Variants in SAMD8 observed in about 807,000 individuals in gnomAD.
SAMD8 encodes the protein sterile alpha motif domain containing 8, also known as sphingomyelin synthase-related protein 1.
A neutral mutation model predicts 42.0 loss-of-function variants in SAMD8; 20 were observed. The ratio of observed to expected loss-of-function variants is 0.48; its 90% confidence interval spans 0.34 to 0.69. The LOEUF (loss-of-function observed/expected upper bound fraction) is 0.69, where lower values mean the gene tolerates loss of function less well. Among genes scored for constraint, SAMD8 ranks in the 30% least tolerant of loss-of-function variants. SAMD8 has a pLI of 0.01. For synonymous variants in SAMD8, 162 were observed against 173.0 expected (o/e 0.94, Z 0.50); for missense variants, 328 against 511.6 (o/e 0.64, Z 3.46).
chr10:75,176,845 G>A lies in SAMD8; in HGVS notation c.*153G>A. 1 of 614,210 alleles carries A rather than the reference G, an allele frequency of 1.6e-6. No homozygotes were observed. The highest frequency in any genetic ancestry group is 2.8e-6 in the Non-Finnish European group (1 of 360,928). 38.0% of individuals were successfully genotyped at this position (614,210 alleles called of 1,614,324 possible). A position where few individuals can be genotyped will look rare whatever the true frequency, so the allele number is the denominator to read the frequency against. The stretch of plus-strand genomic sequence containing the variant: ...CTGAGCAAAGTTATGATTATAAAAA[G>A]CAAGAAAGAACAATCAAGAGTCCTT... On this transcript the variant is annotated 3_prime_UTR_variant, in exon 6 of 6. Coordinates refer to ENST00000542569, the MANE Select transcript of SAMD8 (RefSeq NM_001174156.2). The surrounding 1 kb of genome is among the most constrained non-coding windows in gnomAD (Gnocchi z 4.3).
intron 1 of SAMD8, chr10:75,101,871 G>A (rs1389746226): frequency 7.3e-7 from 1 of 1,366,468 alleles, no homozygotes; most frequent in Non-Finnish European, 9.8e-7. Context: ...ACCCACCTGT[G>A]GGAGTATCTG....
chr10:75,156,292 A>C (rs1840408769), intron 2 of SAMD8, among the ~76,000 whole-genome samples: 1 of 152,218 alleles, frequency 6.6e-6, no homozygotes, highest in Non-Finnish European at 1.5e-5. Context: ...AGACCAAGCA[A>C]ACAAAAATTG....
intron 1 of SAMD8, among the ~76,000 whole-genome samples, chr10:75,134,265 G>A (rs1438357353): frequency 6.6e-6 from 1 of 152,126 alleles, no homozygotes; most frequent in Non-Finnish European, 1.5e-5. Flanking sequence ...GGGTTGATAG[G>A]TGCAGCAAAC....
chr10:75,108,300 C>A (rs1393308389), upstream of SAMD8: 3 of 1,498,226 alleles, frequency 2.0e-6, no homozygotes, highest in Non-Finnish European at 8.8e-7. Context: ...AGGGACCGAG[C>A]CATTAGGGTC....
At chr10:75,108,269 G>A, upstream of SAMD8, 1 of 1,532,818 alleles carries the variant, frequency 6.5e-7, no homozygotes. Flanking sequence ...GAGGGAGGCT[G>A]TGCCTGGCCC....
chr10:75,122,146 T>C (rs1380938235), intron 1 of SAMD8, among the ~76,000 whole-genome samples: 1 of 152,202 alleles, frequency 6.6e-6, no homozygotes, highest in Non-Finnish European at 1.5e-5. Flanking sequence ...TACATTCTTA[T>C]TGTATGGAAT....
upstream of SAMD8, among the ~76,000 whole-genome samples, chr10:75,110,772 T>A (rs1848745028): frequency 6.6e-6 from 1 of 152,170 alleles, no homozygotes; most frequent in Non-Finnish European, 1.5e-5. Flanking sequence ...AGGCAGTATG[T>A]TTCTTTACTT....
intron 1 of SAMD8, among the ~76,000 whole-genome samples, chr10:75,129,533 C>T (rs78012954): frequency 0.013 from 1,999 of 152,208 alleles, 17 homozygotes; most frequent in Admixed American, 0.018. Context: ...CCACCGCACC[C>T]GGCCTGGACT....
rs1330163400 is a variant in SAMD8, at chr10:75,150,490, T to C, written c.-15-24T>C. The C allele has an allele frequency of 7.0e-6, 11 of 1,565,658 alleles. No individual in the cohort carries two copies. In the East Asian group the frequency reaches 2.5e-4, roughly 35 times the overall value. On this transcript the variant is annotated intron_variant, in intron 1 of 5. Transcript: ENST00000542569. ...TTAGGACATACTGAAGCTTTTGTTT[T>C]GTTTTCCTGTTTTCTCTCTACAGGC...
At chr10:75,174,634 T>C (rs545951078) in intron 4 of SAMD8, among the ~76,000 whole-genome samples, 3 of 150,044 alleles carry the variant, frequency 2.0e-5, no homozygotes, top group Non-Finnish European at 3.0e-5. Flanking sequence ...GGGTTTTCCA[T>C]GTTGGTCAGG....
chr10:75,134,334 A>G (rs1246887159), intron 1 of SAMD8, among the ~76,000 whole-genome samples: 3 of 152,144 alleles, frequency 2.0e-5, no homozygotes, highest in African/African-American at 7.2e-5. Context: ...TGTATCCCGG[A>G]ATTTAAAATA....
At chr10:75,114,898 A>G (rs1423308521) in intron 1 of SAMD8, among the ~76,000 whole-genome samples, 1 of 152,188 alleles carries the variant, frequency 6.6e-6, no homozygotes, top group Non-Finnish European at 1.5e-5. Context: ...AAACTGATTT[A>G]TACGAGATAT....
At chr10:75,158,159 C>CA (rs562595597) in intron 2 of SAMD8, among the ~76,000 whole-genome samples, 239 of 107,048 alleles carry the variant, frequency 2.2e-3, no homozygotes, top group African/African-American at 3.4e-3. Flanking sequence ...AACTCTGTCT[C>CA]AAAAAAAAAA....
At chr10:75,122,633 C>A (rs943302964) in intron 1 of SAMD8, among the ~76,000 whole-genome samples, 40 of 148,378 alleles carry the variant, frequency 2.7e-4, no homozygotes, top group African/African-American at 9.2e-4. Context: ...AAAAAAAATT[C>A]TTGGCTGGGC....
chr10:75,157,189 C>G (rs778040283), intron 2 of SAMD8, among the ~76,000 whole-genome samples: 1 of 150,666 alleles, frequency 6.6e-6, no homozygotes, highest in Non-Finnish European at 1.5e-5. Flanking sequence ...TTTTGTAGAT[C>G]AGAATTTTTC....
intron 1 of SAMD8, among the ~76,000 whole-genome samples, chr10:75,129,140 T>C (rs972553527): frequency 9.4e-5 from 14 of 149,432 alleles, no homozygotes; most frequent in Non-Finnish European, 1.9e-4. Flanking sequence ...TTCTTCTTAT[T>C]TTTTTTTTTT....
intron 1 of SAMD8, among the ~76,000 whole-genome samples, chr10:75,138,198 G>A (rs566623513): frequency 6.6e-6 from 1 of 152,158 alleles, no homozygotes; most frequent in Non-Finnish European, 1.5e-5. Context: ...TTCAGACTGT[G>A]TAGTAGGAGG....
chr10:75,123,421 G>T (rs12242320), intron 1 of SAMD8, among the ~76,000 whole-genome samples: 2 of 152,268 alleles, frequency 1.3e-5, no homozygotes, highest in African/African-American at 4.8e-5. Context: ...TGTTAAGAGA[G>T]GGGGAGAGAC....
At chr10:75,106,002 A>C in intron 1 of SAMD8, 1 of 777,300 alleles carries the variant, frequency 1.3e-6, no homozygotes, top group South Asian at 1.8e-5. Flanking sequence ...CTCAGCCTTT[A>C]TGGACCTCAG....
Sources: allele counts gnomAD v4.1 joint callset (sites outside exome capture counted in the v4.1 genomes callset), GRCh38; gene constraint gnomAD v4.1.1; non-coding constraint Gnocchi (gnomAD v3.1); transcripts MANE v1.5; gene names NCBI Gene and HGNC (gene_info 2026-07-23, HGNC 2026-07-21).